DCP1A: variants seen among roughly 807,000 people sequenced by gnomAD.
The protein encoded by DCP1A is decapping mRNA 1A.
In DCP1A, 20 loss-of-function variants were observed where a neutral mutation model predicts 58.0. The ratio of observed to expected loss-of-function variants is 0.34; its 90% CI spans 0.24 to 0.50. The LOEUF (loss-of-function observed/expected upper bound fraction) is 0.50, where lower values mean the gene tolerates loss of function less well. Ranked by LOEUF, DCP1A falls within the 20% of genes least tolerant of loss-of-function variation. DCP1A has a pLI of 0.98. For synonymous variants in DCP1A, 285 were observed against 275.1 expected (o/e 1.04, Z -0.36); for missense variants, 613 against 712.2 (o/e 0.86, Z 1.59).
intron 5 of DCP1A, among the ~76,000 whole-genome samples, chr3:53,306,667 A>T (rs1707483754): frequency 6.7e-6 from 1 of 148,452 alleles, no homozygotes; most frequent in African/African-American, 2.5e-5. Flanking sequence ...GCTACTCGGG[A>T]GGCTGAGGCA....
At chr3:53,333,974 GCATA>G (rs1302586625) in intron 3 of DCP1A, among the ~76,000 whole-genome samples, 1 of 151,830 alleles carries the variant, frequency 6.6e-6, no homozygotes, top group African/African-American at 2.4e-5. Context: ...CTTGAAACCA[GCATA>G]CAGGGCCAGT....
rs1163218451 is a variant in DCP1A at position 53,287,505 on chromosome 3, T to C, written c.*75A>G. 3.1e-6 allele frequency: 3 copies of C among 961,014 alleles called. No homozygotes were observed. The highest frequency in any genetic ancestry group is 3.3e-6 in the Non-Finnish European group (2 of 601,692). 59.5% of individuals were successfully genotyped at this position (961,014 alleles called of 1,614,324 possible). A position where few individuals can be genotyped will look rare whatever the true frequency, so the allele number is the denominator to read the frequency against. The stretch of plus-strand genomic sequence containing the variant: ...TTCAGGATTCTCAAACTCAATGTTC[T>C]GCTCAGAAGTTTCCATGATGAAGCC... On this transcript the variant is annotated 3_prime_UTR_variant, in exon 10 of 10. Coordinates refer to ENST00000610213, the MANE Select transcript of DCP1A (RefSeq NM_018403.7).
intron 6 of DCP1A, among the ~76,000 whole-genome samples, chr3:53,293,832 G>GCCATTTATTCAAGA (rs1707016599): frequency 6.6e-6 from 1 of 152,158 alleles, no homozygotes; most frequent in Non-Finnish European, 1.5e-5. Context: ...TCATCCATTT[G>GCCATTTATTCAAGA]ATAAAAATTC....
Position 53,306,416 on chromosome 3 carries a change from G to T in DCP1A, c.511-2126C>A, listed in dbSNP as rs566798584. 1.6e-4 allele frequency among the ~76,000 whole-genome samples: 24 copies of T among 152,190 alleles called. No homozygotes were observed. In the South Asian group the frequency reaches 4.8e-3, roughly 30 times the overall value. ...TCATAACAAGTTCTTAAAACAGAAG[G>T]TATAAATGTTCAGAAACATTAAAAA... On this transcript the variant is annotated intron_variant, in intron 5 of 9. Transcript: ENST00000610213.
Position 53,292,797 on chromosome 3 carries a change from C to T in DCP1A, c.655G>A (p.Val219Ile). The change falls in exon 7 of 10, where the codon GTA (valine) becomes ATA (isoleucine). Residue 219 changes from valine (V) to isoleucine (I), a missense_variant. By Grantham distance (29) the Val-to-Ile change is conservative. Transcript: ENST00000610213. Reference sequence around the variant, plus strand: ...AAAGAGGTTCCAAATAACTCTTCTACCGTCAGATGCTTGTGTCCAGATGGA... The same window carrying T: ...AAAGAGGTTCCAAATAACTCTTCTATCGTCAGATGCTTGTGTCCAGATGGA... ...SAPSGHKHLT[V>I]EELFGTSLPK... The T allele has an allele frequency of 6.2e-7, 1 of 1,610,054 alleles. No homozygotes were observed. Among genetic ancestry groups the T allele is most frequent in the South Asian group, 1.1e-5 (1 of 91,070 alleles).
chr3:53,318,212 G>T (rs1214547209), intron 4 of DCP1A, among the ~76,000 whole-genome samples: 3 of 152,134 alleles, frequency 2.0e-5, no homozygotes, highest in Non-Finnish European at 4.4e-5. Context: ...GGCTGAGATG[G>T]GAGGATCACT....
Position 53,347,375 on chromosome 3 carries a change from G to C in DCP1A, c.135+8C>G, listed in dbSNP as rs782600522. ...GGGTGGCCGTCCTCAGGGCCAGGCG[G>C]CACTCACCCACTGGTTGGCCTTGGG... is the stretch of plus-strand genomic sequence containing the variant. On this transcript the variant is annotated splice_region_variant and intron_variant, in intron 1 of 9. Transcript: ENST00000610213. 1.6e-5 allele frequency: 26 copies of C among 1,583,826 alleles called. No homozygotes were observed. The highest frequency in any genetic ancestry group is 1.7e-4 in the Middle Eastern group (1 of 5,738).
chr3:53,344,761 G>A (rs1302613704), intron 2 of DCP1A, 141 bp downstream of exon 2: 4 of 557,754 alleles, frequency 7.2e-6, no homozygotes, highest in Non-Finnish European at 9.4e-6. Context: ...ACCTGGTTAA[G>A]ATTTCACAGC....
chr3:53,292,185 G>C lies in DCP1A; in HGVS notation c.1267C>G (p.Pro423Ala). 1 of 1,614,008 alleles carries C rather than the reference G, an allele frequency of 6.2e-7. No homozygotes were observed. Among genetic ancestry groups the C allele is most frequent in the Non-Finnish European group, 8.5e-7 (1 of 1,179,900 alleles). The change falls in exon 7 of 10, where the codon CCG becomes GCG. Residue 423 changes from proline to alanine, a missense_variant. Pro to Ala is a conservative substitution (Grantham distance 27). This residue lies in a region of DCP1A where 498 missense variants were observed against 556.7 expected (regional missense o/e 0.89). Transcript: ENST00000610213. Reference protein sequence around the residue: ...GKGAMVASFSPAAGQLATPES... With the variant: ...GKGAMVASFSAAAGQLATPES... ...GGTGTGGCTAGCTGACCAGCTGCCG[G>C]AGAAAAGCTGGCTACCATTGCACCT...
chr3:53,341,938 A>G (rs1215685596), intron 3 of DCP1A, among the ~76,000 whole-genome samples: 1 of 152,100 alleles, frequency 6.6e-6, no homozygotes, highest in Non-Finnish European at 1.5e-5. Context: ...CGGCCTCCCA[A>G]AGTGCTGGGA....
At chr3:53,290,302 T>G (rs1037876763) in intron 8 of DCP1A, among the ~76,000 whole-genome samples, 5 of 152,192 alleles carry the variant, frequency 3.3e-5, no homozygotes, top group Admixed American at 1.3e-4. Context: ...ATAGTGGCTC[T>G]GCCACCTGGG....
At chr3:53,346,418 TTC>T (rs1363436496) in intron 1 of DCP1A, among the ~76,000 whole-genome samples, 26 of 152,178 alleles carry the variant, frequency 1.7e-4, no homozygotes, top group Admixed American at 1.7e-3. Flanking sequence ...TCTTCCAGAG[TTC>T]TGTCAGTTTA....
chr3:53,345,066 C>A, intron 1 of DCP1A, 124 bp from the exon 2 acceptor site: 1 of 765,616 alleles, frequency 1.3e-6, no homozygotes, highest in Non-Finnish European at 2.1e-6. Flanking sequence ...ATAAAATTAA[C>A]CACTTTTGAA....
chr3:53,302,604 AG>A (rs782099497), intron 6 of DCP1A, among the ~76,000 whole-genome samples: 4 of 152,124 alleles, frequency 2.6e-5, no homozygotes, highest in Admixed American at 6.6e-5. Context: ...GAGGTGAGGA[AG>A]GGTTGTTTTA....
Position 53,287,527 on chromosome 3 carries a change from AGCCTATTTGTCTCTGAG to A in DCP1A, c.*36_*52del. On this transcript the variant is annotated 3_prime_UTR_variant, in exon 10 of 10. Transcript: ENST00000610213. ...TTCTGCTCAGAAGTTTCCATGATGA[AGCCTATTTGTCTCTGAG>A]GCTGGGGCTCTGCCTTTAGACTTAT... is the stretch of plus-strand genomic sequence containing the variant. 8.2e-7 allele frequency: 1 copy of A among 1,226,150 alleles called. No homozygotes were observed. The highest frequency in any genetic ancestry group is 1.2e-6 in the Non-Finnish European group (1 of 830,806). The allele number at this position is 1,226,150 out of a possible 1,614,324, so 76.0% of individuals were successfully genotyped here. A position where few individuals can be genotyped will look rare whatever the true frequency, so the allele number is the denominator to read the frequency against.
At chr3:53,297,517 C>T (rs13062474) in intron 6 of DCP1A, among the ~76,000 whole-genome samples, 44,530 of 151,948 alleles carry the variant, frequency 0.29, 7,530 homozygotes, top group Admixed American at 0.39. Flanking sequence ...TGCACCACCA[C>T]GCTCAGTTAA....
intron 7 of DCP1A, among the ~76,000 whole-genome samples, chr3:53,291,547 G>A (rs1293476977): frequency 6.6e-6 from 1 of 151,448 alleles, no homozygotes; most frequent in Non-Finnish European, 1.5e-5. Context: ...AATAAAGTAA[G>A]AACATGTGAT....
intron 3 of DCP1A, among the ~76,000 whole-genome samples, chr3:53,340,421 A>AGGG: frequency 6.6e-6 from 1 of 152,316 alleles, no homozygotes; most frequent in South Asian, 2.1e-4. Context: ...GATAGAACCT[A>AGGG]TTTCACTTAT....
At chr3:53,288,891 C>T (rs918012111) in intron 8 of DCP1A, among the ~76,000 whole-genome samples, 3 of 152,018 alleles carry the variant, frequency 2.0e-5, no homozygotes, top group East Asian at 3.9e-4. Context: ...GTGGCGTGTG[C>T]CTGTAATCCC....
Sources: gnomAD v4.1 joint callset for allele counts (sites outside exome capture counted in the v4.1 genomes callset) on GRCh38, gnomAD v4.1.1 for gene constraint, gnomAD v4.1.1 regional missense constraint, MANE v1.5 for transcripts, NCBI Gene and HGNC (gene_info 2026-07-23, HGNC 2026-07-21) for gene names.